Variants in SMYD3 observed in about 807,000 individuals in gnomAD.
SMYD3 encodes SET and MYND domain containing 3.
In SMYD3, 36 loss-of-function variants were observed where a neutral mutation model predicts 57.7. That is an observed-to-expected ratio of 0.62 (90% CI 0.48 to 0.82). SMYD3 has a LOEUF of 0.82. Ranked by LOEUF, SMYD3 falls within the 40% of genes least tolerant of loss-of-function variation. The pLI is 0.00. For synonymous variants in SMYD3, 211 were observed against 195.0 expected, an observed-to-expected ratio of 1.08 and a Z score of -0.68; for missense variants, 515 against 538.8, an observed-to-expected ratio of 0.96 and a Z score of 0.44.
intron 5 of SMYD3, among the ~76,000 whole-genome samples, chr1:245,963,860 G>C (rs2058072257): frequency 6.6e-6 from 1 of 152,114 alleles, no homozygotes; most frequent in African/African-American, 2.4e-5. Context: ...GAGAAGCACT[G>C]AGTGAAGCTC....
At chr1:245,953,818 C>A (rs1225573578) in intron 5 of SMYD3, among the ~76,000 whole-genome samples, 1 of 152,184 alleles carries the variant, frequency 6.6e-6, no homozygotes, top group African/African-American at 2.4e-5. Context: ...CCTGGTTCTT[C>A]AAACAAACAC....
At chr1:246,239,850 A>G (rs2063576790) in intron 5 of SMYD3, among the ~76,000 whole-genome samples, 1 of 152,164 alleles carries the variant, frequency 6.6e-6, no homozygotes, top group Non-Finnish European at 1.5e-5. Flanking sequence ...AGTGATGATG[A>G]GCACTTTTTA....
chr1:246,002,851 G>C (rs1202733896), intron 5 of SMYD3, among the ~76,000 whole-genome samples: 1 of 152,132 alleles, frequency 6.6e-6, no homozygotes, highest in Non-Finnish European at 1.5e-5. Flanking sequence ...CTGGGCTCCA[G>C]TGATCCTTCC....
chr1:246,236,573 C>T (rs922471172), intron 5 of SMYD3, among the ~76,000 whole-genome samples: 2 of 152,100 alleles, frequency 1.3e-5, no homozygotes, highest in Non-Finnish European at 2.9e-5. Flanking sequence ...TGCCACCACG[C>T]CTGGTTAATT....
At chr1:245,971,010 C>A (rs930711664) in intron 5 of SMYD3, among the ~76,000 whole-genome samples, 1 of 152,112 alleles carries the variant, frequency 6.6e-6, no homozygotes. Context: ...ATGTTTATTG[C>A]GGCACTATTC....
intron 5 of SMYD3, among the ~76,000 whole-genome samples, chr1:246,116,608 A>C (rs77617045): frequency 0.013 from 1,979 of 152,320 alleles, 42 homozygotes; most frequent in African/African-American, 0.045. Context: ...GTTTTCAGTG[A>C]GAAGCCCTCA....
rs374086290 is a variant in SMYD3 at position 245,816,376 on chromosome 1, G to C, written c.1076+42120C>G. Among the ~76,000 whole-genome samples, 14 of 152,028 alleles carry C rather than the reference G, an allele frequency of 9.2e-5. No individual in the cohort carries two copies. The South Asian group carries it at 2.9e-3, about 32-fold the overall frequency. ...TTGCACTACTGTTTGCTAGAATGGA[G>C]CTTGGCTCTAAAACAGGATTCTCAG... On this transcript the variant is annotated intron_variant, in intron 10 of 11. Transcript: ENST00000490107.
intron 5 of SMYD3, among the ~76,000 whole-genome samples, chr1:246,006,882 T>C (rs2148176847): frequency 6.6e-6 from 1 of 152,242 alleles, no homozygotes; most frequent in East Asian, 1.9e-4. Flanking sequence ...CTCTAAAACA[T>C]GAAAACCAAT....
At chr1:246,237,017 A>T (rs2063522920) in intron 5 of SMYD3, among the ~76,000 whole-genome samples, 1 of 152,218 alleles carries the variant, frequency 6.6e-6, no homozygotes, top group Non-Finnish European at 1.5e-5. Flanking sequence ...CACTTGATGA[A>T]GAAAACCATT....
intron 5 of SMYD3, among the ~76,000 whole-genome samples, chr1:246,045,016 T>C (rs1185750635): frequency 6.6e-6 from 1 of 152,198 alleles, no homozygotes; most frequent in Non-Finnish European, 1.5e-5. Flanking sequence ...TCCATGCTCA[T>C]GGATAGGAAG....
chr1:245,987,506 A>G (rs2058727158), intron 5 of SMYD3, among the ~76,000 whole-genome samples: 1 of 152,258 alleles, frequency 6.6e-6, no homozygotes, highest in African/African-American at 2.4e-5. Flanking sequence ...AGGTTTAACA[A>G]TCATTAGTAA....
intron 5 of SMYD3, among the ~76,000 whole-genome samples, chr1:245,951,366 G>A (rs1220143809): frequency 2.2e-5 from 3 of 136,546 alleles, no homozygotes; most frequent in East Asian, 2.8e-4. Flanking sequence ...TCAGGAGATC[G>A]AGACCATCCT....
At chr1:245,916,039 T>C (rs1174390879) in intron 7 of SMYD3, among the ~76,000 whole-genome samples, 1 of 152,244 alleles carries the variant, frequency 6.6e-6, no homozygotes, top group African/African-American at 2.4e-5. Context: ...TGGCAGATGA[T>C]ACAGCCAGAT....
intron 7 of SMYD3, among the ~76,000 whole-genome samples, chr1:245,923,270 A>G (rs1387045324): frequency 6.6e-6 from 1 of 152,158 alleles, no homozygotes; most frequent in Non-Finnish European, 1.5e-5. Context: ...ACAATAAAAA[A>G]CAGTAACATT....
chr1:245,885,770 CAT>C (rs2053056950), intron 8 of SMYD3, among the ~76,000 whole-genome samples: 2 of 152,326 alleles, frequency 1.3e-5, no homozygotes, highest in South Asian at 2.1e-4. Context: ...AAGACAATTA[CAT>C]AAAATTAAGG....
chr1:246,280,809 T>G (rs1621854), intron 5 of SMYD3, among the ~76,000 whole-genome samples: 121,211 of 152,134 alleles, frequency 0.8, 49,135 homozygotes, highest in African/African-American at 0.95. Flanking sequence ...ATCAGATGCT[T>G]CAAGAGCTAA....
chr1:246,331,731 G>A (rs1013410850), intron 3 of SMYD3, among the ~76,000 whole-genome samples: 3 of 152,104 alleles, frequency 2.0e-5, no homozygotes, highest in Non-Finnish European at 2.9e-5. Context: ...TTACATCATC[G>A]AACAAGTCTG....
intron 5 of SMYD3, among the ~76,000 whole-genome samples, chr1:246,010,397 C>T (rs952432571): frequency 2.6e-5 from 4 of 152,136 alleles, no homozygotes; most frequent in Admixed American, 2.0e-4. Flanking sequence ...AAAACTCTAG[C>T]GTGATGTACT....
chr1:246,462,507 TCA>T (rs2067817624), intron 1 of SMYD3, among the ~76,000 whole-genome samples: 1 of 151,914 alleles, frequency 6.6e-6, no homozygotes, highest in Admixed American at 6.6e-5. Flanking sequence ...AATGGAAGGG[TCA>T]CACAGACCCC....
Sources: allele counts gnomAD v4.1 joint callset (sites outside exome capture counted in the v4.1 genomes callset), GRCh38; gene constraint gnomAD v4.1.1; transcripts MANE v1.5; gene names NCBI Gene and HGNC (gene_info 2026-07-23, HGNC 2026-07-21).